Variants in MMP17 observed in about 807,000 individuals in gnomAD.
MMP17 encodes matrix metalloproteinase-17.
In MMP17, 54 loss-of-function variants were observed where a neutral mutation model predicts 49.1. The observed-to-expected ratio is 1.10, with a 90% CI of 0.88 to 1.38. The LOEUF (loss-of-function observed/expected upper bound fraction) is 1.38, where lower values mean the gene tolerates loss of function less well. Ranked by LOEUF, MMP17 falls within the 40% of genes most tolerant of loss-of-function variation. The pLI, the probability that MMP17 is intolerant of heterozygous loss-of-function variation, is 0.00. For missense variants in MMP17, 837 were observed against 853.7 expected, an observed-to-expected ratio of 0.98 and a Z score of 0.24; for synonymous variants, 397 against 383.1, an observed-to-expected ratio of 1.04 and a Z score of -0.42.
intron 1 of MMP17, among the ~76,000 whole-genome samples, chr12:131,831,311 G>C (rs374742719): frequency 2.6e-5 from 4 of 152,306 alleles, no homozygotes; most frequent in Non-Finnish European, 5.9e-5. Flanking sequence ...CCGCGCCCAC[G>C]GCACAGTGGC....
chr12:131,841,953 ACAGAGCCCACCCCTGACGTCCC>A (rs1336208212), intron 5 of MMP17, among the ~76,000 whole-genome samples, 153 bp downstream of exon 5: 4 of 152,114 alleles, frequency 2.6e-5, no homozygotes, highest in Non-Finnish European at 5.9e-5. Flanking sequence ...TGGCCTGTCC[ACAGAGCCCACCCCTGACGTCCC>A]CAGAGCCCCT....
chr12:131,845,637 G>T (rs1286140167), intron 8 of MMP17, among the ~76,000 whole-genome samples, 188 bp downstream of exon 8: 1 of 152,214 alleles, frequency 6.6e-6, no homozygotes, highest in African/African-American at 2.4e-5. Context: ...CCGTCCTGAG[G>T]CAGCCGCTGT....
chr12:131,840,275 G>A (rs541000494), intron 3 of MMP17: 17 of 353,230 alleles, frequency 4.8e-5, no homozygotes, highest in African/African-American at 2.2e-4. Flanking sequence ...TGGGGCAGAC[G>A]GGACGCACCG....
In MMP17 at chr12:131,840,824, A is replaced by T. The variant is rs200489340; in HGVS notation, c.674A>T (p.Asp225Val). The T allele has an allele frequency of 3.9e-4, 632 of 1,606,968 alleles. 1 individual carries two copies. The highest frequency in any genetic ancestry group is 4.9e-4 in the Non-Finnish European group (580 of 1,179,374). Residue 225 changes from aspartate (D) to valine (V), a missense_variant, in exon 4 of 10, where the codon GAC becomes GTC. Coordinates refer to ENST00000360564, the MANE Select transcript of MMP17 (RefSeq NM_016155.7). ...CACACCGCCGGGGACACCCACTTTG[A>T]CGATGACGAGGCCTGGACCTTCCGC... ...HHHTAGDTHF[D>V]DDEAWTFRSS...
In MMP17 at chr12:131,851,285, G is replaced by T; in HGVS notation, c.*11G>T. On this transcript the variant is annotated 3_prime_UTR_variant, in exon 10 of 10. Transcript: ENST00000360564. ...GCCCTGACGCTATGACACACAGCGC[G>T]AGCCCATGAGAGGACAGAGGCGGTG... 1.4e-6 allele frequency: 2 copies of T among 1,391,682 alleles called. No homozygotes were observed. The highest frequency in any genetic ancestry group is 3.3e-5 in the South Asian group (2 of 60,732). The allele number at this position is 1,391,682 out of a possible 1,614,324, so 86.2% of individuals were successfully genotyped here.
chr12:131,847,887 C>T (rs1478109113), intron 8 of MMP17, among the ~76,000 whole-genome samples: 2 of 152,166 alleles, frequency 1.3e-5, no homozygotes, highest in Admixed American at 6.5e-5. Context: ...CCCCCTCTGT[C>T]CCCTGTGTCG....
chr12:131,849,347 G>A (rs1479740588), intron 8 of MMP17, among the ~76,000 whole-genome samples: 3 of 152,178 alleles, frequency 2.0e-5, no homozygotes, highest in African/African-American at 7.2e-5. Flanking sequence ...AGCTGGGTGT[G>A]GTGGTGGGCG....
intron 1 of MMP17, among the ~76,000 whole-genome samples, chr12:131,836,529 A>AT (rs953022013): frequency 7.9e-5 from 10 of 126,344 alleles, no homozygotes; most frequent in African/African-American, 2.7e-4. Flanking sequence ...TCATTTATGC[A>AT]TTTTTTTAGG....
chr12:131,838,409 C>G (rs1398230238), intron 2 of MMP17, 82 bp downstream of exon 2: 3 of 1,545,464 alleles, frequency 1.9e-6, no homozygotes, highest in South Asian at 1.2e-5. Flanking sequence ...TGATCAGGCA[C>G]AGTCCCGTCT....
At chr12:131,838,543 GC>G in intron 2 of MMP17, 68 bp from the exon 3 acceptor site, 1 of 1,539,596 alleles carries the variant, frequency 6.5e-7, no homozygotes, top group Non-Finnish European at 8.8e-7. Context: ...TCCCACCCTT[GC>G]GGATGCTCGG....
rs1169841242 is a variant in MMP17 at position 131,841,773 on chromosome 12, G to C, written c.856G>C (p.Asp286His). ...GCTGCGCTACGGGCTCCCCTACGAG[G>C]ACAAGGTGCGCGTCTGGCAGCTGTA... ...DPLRYGLPYE[D>H]KVRVWQLYGV... The change falls in exon 5 of 10, where the codon GAC (aspartate) becomes CAC (histidine). Residue 286 changes from aspartate (D) to histidine (H), a missense_variant. Physicochemically the swap from Asp to His is moderately conservative, Grantham distance 81. Transcript: ENST00000360564. 2.5e-6 allele frequency: 4 copies of C among 1,608,492 alleles called. No individual in the cohort carries two copies. The highest frequency in any genetic ancestry group is 3.4e-6 in the Non-Finnish European group (4 of 1,178,210).
chr12:131,843,099 G>T (rs1293259198), intron 5 of MMP17, among the ~76,000 whole-genome samples: 1 of 151,924 alleles, frequency 6.6e-6, no homozygotes, highest in Non-Finnish European at 1.5e-5. Context: ...GAGTAGCTGG[G>T]ACTACAGGTG....
At chr12:131,838,563 G>C in intron 2 of MMP17, 49 bp from the exon 3 acceptor site, 1 of 1,572,798 alleles carries the variant, frequency 6.4e-7, no homozygotes, top group Non-Finnish European at 8.7e-7. Context: ...GGGATCCTAG[G>C]GTGGGGAGTG....
rs373028245 is a variant in MMP17 at position 131,846,274 on chromosome 12, G to A, written c.1204+825G>A. Among the ~76,000 whole-genome samples the A allele has an allele frequency of 6.6e-6, 1 of 152,266 alleles. No individual in the cohort carries two copies. Among genetic ancestry groups the A allele is most frequent in the East Asian group, 1.9e-4 (1 of 5,184 alleles). On this transcript the variant is annotated intron_variant, in intron 8 of 9. Coordinates refer to ENST00000360564, the MANE Select transcript of MMP17 (RefSeq NM_016155.7). This position sits in a 1 kb window ranked among gnomAD's most constrained non-coding sequence, Gnocchi z 4.6. ...CCTCAGCCACATCCCTCCTGCCACC[G>A]CCTCTGTCTCCACCCGGCCGTCTCC...
At position 131,843,988 on chromosome 12, in the gene MMP17, C is replaced by T; in HGVS notation, c.884-9C>T. ...GGTTTGAGGCCGTCCTCCTCCTTGT[C>T]TCCCGCAGGTGTGCGGGAGTCTGTG... On this transcript the variant is annotated splice_polypyrimidine_tract_variant and intron_variant, in intron 5 of 9. Coordinates refer to ENST00000360564, the MANE Select transcript of MMP17 (RefSeq NM_016155.7). 3 of 1,542,906 alleles carry T rather than the reference C, an allele frequency of 1.9e-6. No homozygotes were observed. The East Asian group carries it at 7.3e-5, about 38-fold the overall frequency.
chr12:131,843,995 A>C lies in MMP17; in HGVS notation c.884-2A>C. ...GGCCGTCCTCCTCCTTGTCTCCCGCAGGTGTGCGGGAGTCTGTGTCTCCCA... is the reference window on the plus strand; with the variant it reads ...GGCCGTCCTCCTCCTTGTCTCCCGCCGGTGTGCGGGAGTCTGTGTCTCCCA... On this transcript the variant is annotated splice_acceptor_variant, in intron 5 of 9. Coordinates refer to ENST00000360564, the MANE Select transcript of MMP17 (RefSeq NM_016155.7). LOFTEE classifies it high-confidence loss of function. The C allele has an allele frequency of 3.2e-6, 5 of 1,550,404 alleles. No homozygotes were observed. Among genetic ancestry groups the C allele is most frequent in the Non-Finnish European group, 4.4e-6 (5 of 1,149,184 alleles).
intron 4 of MMP17, 72 bp downstream of exon 4, chr12:131,840,928 C>A: frequency 6.9e-7 from 1 of 1,442,412 alleles, no homozygotes; most frequent in Non-Finnish European, 9.2e-7. Flanking sequence ...GCAGCCATGG[C>A]CCCCCCATCC....
intron 1 of MMP17, among the ~76,000 whole-genome samples, chr12:131,833,875 G>C (rs2136310847): frequency 6.6e-6 from 1 of 152,344 alleles, no homozygotes; most frequent in South Asian, 2.1e-4. Context: ...GCAACCCAAA[G>C]CCCGGGGACG....
chr12:131,842,304 G>A (rs1056908131), intron 5 of MMP17, among the ~76,000 whole-genome samples: 9 of 152,098 alleles, frequency 5.9e-5, no homozygotes, highest in African/African-American at 1.9e-4. Context: ...ATCAGAGGCC[G>A]ACGCGGTCAC....
Sources: allele counts gnomAD v4.1 joint callset (sites outside exome capture counted in the v4.1 genomes callset), GRCh38; gene constraint gnomAD v4.1.1; non-coding constraint Gnocchi (gnomAD v3.1); transcripts MANE v1.5; gene names NCBI Gene and HGNC (gene_info 2026-07-23, HGNC 2026-07-21).